Variants in ANTXR1 observed in about 807,000 individuals in gnomAD.
The protein encoded by ANTXR1 is anthrax toxin receptor 1.
Under a neutral mutation model 78.1 loss-of-function variants are expected in ANTXR1, and 19 were observed. That is an observed-to-expected ratio of 0.24 (90% confidence interval 0.17 to 0.36). ANTXR1 has a LOEUF of 0.36. Ranked by LOEUF, ANTXR1 falls within the 10% of genes least tolerant of loss-of-function variation. The pLI, the probability that ANTXR1 is intolerant of heterozygous loss-of-function variation, is 1.00. For synonymous variants in ANTXR1, 273 were observed against 260.5 expected, an observed-to-expected ratio of 1.05 and a Z score of -0.46; for missense variants, 518 against 718.6, an observed-to-expected ratio of 0.72 and a Z score of 3.19.
chr2:69,092,536 T>C lies in ANTXR1; in HGVS notation c.703+1617T>C, dbSNP rs576425464. On this transcript the variant is annotated intron_variant, in intron 9 of 17. Coordinates refer to ENST00000303714, the MANE Select transcript of ANTXR1 (RefSeq NM_032208.3). ...CTTGGTAACTAACTATTCAGAAATA[T>C]GTGCTAATTTCCCAAAGAAAGGCAA... 2.0e-4 allele frequency among the ~76,000 whole-genome samples: 30 copies of C among 152,340 alleles called. No homozygotes were observed. In the South Asian group the frequency reaches 4.1e-3, roughly 21 times the overall value.
At chr2:69,122,937 T>C (rs1672400075) in intron 10 of ANTXR1, 80 bp from the exon 11 acceptor site, 5 of 1,472,876 alleles carry the variant, frequency 3.4e-6, no homozygotes, top group African/African-American at 1.4e-5. Flanking sequence ...CTGGACTTGG[T>C]TGATGTTCTC....
intron 5 of ANTXR1, among the ~76,000 whole-genome samples, 191 bp from the exon 6 acceptor site, chr2:69,072,831 C>G (rs1264422038): frequency 6.6e-6 from 1 of 152,208 alleles, no homozygotes; most frequent in African/African-American, 2.4e-5. Flanking sequence ...AACCTATTCC[C>G]CCTAAAGTCT....
At chr2:69,067,457 T>C (rs143621316) in intron 3 of ANTXR1, among the ~76,000 whole-genome samples, 3,792 of 151,370 alleles carry the variant, frequency 0.025, 89 homozygotes, top group Non-Finnish European at 0.031. Context: ...TTTTTTTTTT[T>C]TTTTTTTGCT....
At chr2:69,151,431 A>G (rs577501763) in intron 12 of ANTXR1, among the ~76,000 whole-genome samples, 131 of 152,250 alleles carry the variant, frequency 8.6e-4, no homozygotes, top group Middle Eastern at 3.4e-3. Flanking sequence ...TCCTTGAACC[A>G]GCAACTCAGA....
At chr2:69,044,917 T>A in intron 3 of ANTXR1, 104 bp downstream of exon 3, 1 of 1,139,604 alleles carries the variant, frequency 8.8e-7, no homozygotes, top group Non-Finnish European at 1.3e-6. Flanking sequence ...CACTTTAATC[T>A]AATAGTTCCT....
At chr2:69,099,272 A>G (rs915459831) in intron 9 of ANTXR1, among the ~76,000 whole-genome samples, 2 of 152,218 alleles carry the variant, frequency 1.3e-5, no homozygotes, top group Non-Finnish European at 2.9e-5. Context: ...CATCCATGTC[A>G]TAGCATGTAT....
intron 17 of ANTXR1, among the ~76,000 whole-genome samples, chr2:69,236,538 A>G (rs1294317135): frequency 6.6e-6 from 1 of 152,034 alleles, no homozygotes; most frequent in African/African-American, 2.4e-5. Flanking sequence ...TAGTATTGGA[A>G]CTATGAATGA....
At chr2:69,040,785 T>C (rs561001552) in intron 2 of ANTXR1, among the ~76,000 whole-genome samples, 60 of 152,292 alleles carry the variant, frequency 3.9e-4, no homozygotes, top group South Asian at 3.9e-3. Context: ...ATAGCTTTCA[T>C]AGAGTGCTTG....
intron 12 of ANTXR1, among the ~76,000 whole-genome samples, chr2:69,127,142 A>T (rs553895785): frequency 1.3e-5 from 2 of 152,368 alleles, no homozygotes; most frequent in African/African-American, 4.8e-5. Flanking sequence ...AACAAACTAC[A>T]TGCTATGGCA....
chr2:69,170,765 G>T (rs1673961333), intron 14 of ANTXR1, among the ~76,000 whole-genome samples: 1 of 152,136 alleles, frequency 6.6e-6, no homozygotes. Flanking sequence ...ATTACCTAAA[G>T]ATGGGCCAGG....
chr2:69,076,134 T>C (rs1395861930), intron 7 of ANTXR1, among the ~76,000 whole-genome samples: 1 of 151,822 alleles, frequency 6.6e-6, no homozygotes, highest in Non-Finnish European at 1.5e-5. Context: ...ACCATCACAC[T>C]TGGCTACTTT....
In ANTXR1 at chr2:69,070,689, G is replaced by T; in HGVS notation, c.339G>T (p.Leu113=). The change falls in exon 4 of 18, where the codon CTG becomes CTT. Residue 113 remains leucine, a synonymous_variant. Transcript: ENST00000303714. The stretch of plus-strand genomic sequence containing the variant: ...GCCTAGAAGAACTCCAGAAAGTTCT[G>T]CCAGGAGGAGACACTTACATGCATG... ...RQGLEELQKV[L]PGGDTYMHEG... is the part of the protein sequence containing the mutation. 6.2e-7 allele frequency: 1 copy of T among 1,614,136 alleles called. No homozygotes were observed. The highest frequency in any genetic ancestry group is 1.7e-5 in the Admixed American group (1 of 60,020).
intron 5 of ANTXR1, 124 bp from the exon 6 acceptor site, chr2:69,072,898 T>C: frequency 1.0e-6 from 1 of 960,118 alleles, no homozygotes; most frequent in Admixed American, 1.7e-5. Flanking sequence ...AAAAGAAAAG[T>C]TGGTGATTCT....
chr2:69,202,545 A>C (rs1269383585), intron 17 of ANTXR1, among the ~76,000 whole-genome samples: 1 of 152,210 alleles, frequency 6.6e-6, no homozygotes, highest in African/African-American at 2.4e-5. Context: ...GCAGAGATCC[A>C]GTAGAGGAAG....
Position 69,229,968 on chromosome 2 carries a change from G to A in ANTXR1, c.1435-15257G>A, listed in dbSNP as rs544228242. ...AACAATATTTAGGATGTGCCACACT[G>A]GGTCACCACTCAGCATGATTTGCTT... On this transcript the variant is annotated intron_variant, in intron 17 of 17. Transcript: ENST00000303714. Among the ~76,000 whole-genome samples the A allele has an allele frequency of 5.9e-5, 9 of 152,118 alleles. No individual in the cohort carries two copies. The East Asian group carries it at 1.5e-3, about 26-fold the overall frequency.
At chr2:69,014,705 A>G (rs544285441) in intron 1 of ANTXR1, among the ~76,000 whole-genome samples, 26 of 152,258 alleles carry the variant, frequency 1.7e-4, no homozygotes, top group Middle Eastern at 6.8e-3. Context: ...TTGCTGTTAC[A>G]GTGGTGGGGA....
intron 17 of ANTXR1, among the ~76,000 whole-genome samples, chr2:69,205,290 T>C (rs545795912): frequency 1.2e-4 from 18 of 152,010 alleles, no homozygotes; most frequent in Non-Finnish European, 1.6e-4. Flanking sequence ...GAACAGCATG[T>C]GTAAAAGGCC....
At chr2:69,194,745 C>G (rs1448371662) in intron 17 of ANTXR1, among the ~76,000 whole-genome samples, 1 of 152,130 alleles carries the variant, frequency 6.6e-6, no homozygotes, top group Non-Finnish European at 1.5e-5. Flanking sequence ...CCCAGCTACT[C>G]AGGAGACTGA....
intron 10 of ANTXR1, among the ~76,000 whole-genome samples, chr2:69,115,439 T>C (rs4854548): frequency 0.35 from 52,623 of 152,148 alleles, 9,679 homozygotes; most frequent in East Asian, 0.5. Flanking sequence ...GCTTATTAAG[T>C]GCTAAGCATT....
Sources: gnomAD v4.1 joint callset for allele counts (sites outside exome capture counted in the v4.1 genomes callset) on GRCh38, gnomAD v4.1.1 for gene constraint, MANE v1.5 for transcripts, NCBI Gene and HGNC (gene_info 2026-07-23, HGNC 2026-07-21) for gene names.